Variants in SVOP observed in about 807,000 individuals in gnomAD.
SVOP encodes the protein synaptic vesicle 2-related protein.
SVOP carries 17 observed loss-of-function variants against 69.1 expected under a neutral mutation model. That is an observed-to-expected ratio of 0.25 (90% CI 0.17 to 0.37). The LOEUF (loss-of-function observed/expected upper bound fraction) is 0.37, where lower values mean the gene tolerates loss of function less well. Among genes scored for constraint, SVOP ranks in the 10% least tolerant of loss-of-function variants. The pLI, the probability that SVOP is intolerant of heterozygous loss-of-function variation, is 1.00. For synonymous variants in SVOP, 238 were observed against 238.6 expected (o/e 1.00, Z 0.02); for missense variants, 435 against 597.5 (o/e 0.73, Z 2.84).
intron 2 of SVOP, among the ~76,000 whole-genome samples, chr12:108,983,380 C>T (rs1227742674): frequency 6.6e-6 from 1 of 152,200 alleles, no homozygotes; most frequent in Admixed American, 6.5e-5. Flanking sequence ...TTATTGCCAT[C>T]CTCAGCCAAG....
At chr12:109,020,753 T>TGCCCC in intron 1 of SVOP, 81 bp downstream of exon 1, 1 of 317,722 alleles carries the variant, frequency 3.1e-6, no homozygotes, top group Admixed American at 4.8e-5. Flanking sequence ...TGCAGAGATG[T>TGCCCC]ACCCCCCCCC....
At chr12:108,916,890 G>A (rs531432918) in intron 14 of SVOP, among the ~76,000 whole-genome samples, 1 of 152,250 alleles carries the variant, frequency 6.6e-6, no homozygotes, top group African/African-American at 2.4e-5. Context: ...GGGACAACAG[G>A]CATGTGCCAC....
Position 109,013,485 on chromosome 12 carries a change from G to A in SVOP, c.35+7349C>T, listed in dbSNP as rs190917583. Reference sequence around the variant, plus strand: ...TGATTACTGCAACCTCTGCCTCCCAGGTTCAAGTGATTCTTATGCCTCAGC... The same window carrying A: ...TGATTACTGCAACCTCTGCCTCCCAAGTTCAAGTGATTCTTATGCCTCAGC... On this transcript the variant is annotated intron_variant, in intron 1 of 15. Coordinates refer to ENST00000610966, the MANE Select transcript of SVOP (RefSeq NM_018711.5). 9.8e-4 allele frequency among the ~76,000 whole-genome samples: 149 copies of A among 151,710 alleles called. 3 individuals are homozygous for A. The highest frequency in any genetic ancestry group is 2.6e-4 in the Non-Finnish European group (18 of 67,944).
intron 6 of SVOP, among the ~76,000 whole-genome samples, chr12:108,954,135 A>G (rs1013096068): frequency 6.7e-6 from 1 of 149,306 alleles, no homozygotes; most frequent in Non-Finnish European, 1.5e-5. Flanking sequence ...AAAAAAAAAA[A>G]GCTATTTAGT....
At chr12:109,004,239 A>G (rs1397132532) in intron 1 of SVOP, among the ~76,000 whole-genome samples, 3 of 152,166 alleles carry the variant, frequency 2.0e-5, no homozygotes, top group Non-Finnish European at 2.9e-5. Context: ...GTATATATAT[A>G]GCATATAATT....
chr12:108,934,119 T>G, intron 11 of SVOP, 76 bp downstream of exon 11: 1 of 1,274,080 alleles, frequency 7.8e-7, no homozygotes, highest in Admixed American at 2.1e-5. Flanking sequence ...GAGCCTGGGG[T>G]GGGAGTGTGT....
chr12:108,939,388 G>A (rs2039876422), intron 8 of SVOP, among the ~76,000 whole-genome samples: 1 of 152,102 alleles, frequency 6.6e-6, no homozygotes, highest in Non-Finnish European at 1.5e-5. Context: ...ATTGTTCAAG[G>A]AATTACACCT....
At chr12:108,927,531 T>G (rs1423126984) in intron 11 of SVOP, among the ~76,000 whole-genome samples, 1 of 152,120 alleles carries the variant, frequency 6.6e-6, no homozygotes, top group Non-Finnish European at 1.5e-5. Flanking sequence ...GCAGAAATAT[T>G]TGTCTTTTGT....
intron 3 of SVOP, 61 bp downstream of exon 3, chr12:108,978,517 C>T (rs1185536600): frequency 1.2e-5 from 8 of 690,166 alleles, no homozygotes; most frequent in Admixed American, 2.1e-5. Context: ...GCCATGGAAA[C>T]CCAGTTGAGC....
intron 1 of SVOP, among the ~76,000 whole-genome samples, chr12:108,992,279 A>C (rs1210096658): frequency 1.3e-5 from 2 of 150,632 alleles, no homozygotes; most frequent in Non-Finnish European, 2.9e-5. Context: ...AGTGGCTCAC[A>C]CCTGTAATCC....
At chr12:108,990,824 C>T (rs915141802) in intron 1 of SVOP, among the ~76,000 whole-genome samples, 3 of 152,184 alleles carry the variant, frequency 2.0e-5, no homozygotes, top group Admixed American at 1.3e-4. Flanking sequence ...AGAACTCCCA[C>T]GGGGCTGGTC....
chr12:109,012,090 C>T (rs1451902339), intron 1 of SVOP, among the ~76,000 whole-genome samples: 1 of 152,118 alleles, frequency 6.6e-6, no homozygotes, highest in Non-Finnish European at 1.5e-5. Flanking sequence ...CAAGACCAGC[C>T]TGGCTGACAT....
chr12:108,947,756 GC>G lies in SVOP; in HGVS notation c.579-2591del, dbSNP rs1219631967. 2.6e-5 allele frequency among the ~76,000 whole-genome samples: 4 copies of G among 152,152 alleles called. No homozygotes were observed. The South Asian group carries it at 6.2e-4, about 24-fold the overall frequency. On this transcript the variant is annotated intron_variant, in intron 6 of 15. Coordinates refer to ENST00000610966, the MANE Select transcript of SVOP (RefSeq NM_018711.5). Reference sequence around the variant, plus strand: ...CCTTCAATTTTGCTAGAAAGAGGAGGCCTTCTTTTCTCTCATATCTCCCACC... The same window carrying G: ...CCTTCAATTTTGCTAGAAAGAGGAGGCTTCTTTTCTCTCATATCTCCCACC...
chr12:109,010,012 C>A (rs1348433751), intron 1 of SVOP, among the ~76,000 whole-genome samples: 2 of 151,254 alleles, frequency 1.3e-5, no homozygotes, highest in African/African-American at 4.9e-5. Context: ...AAGCCCAGCA[C>A]TTTGGAAAGT....
intron 6 of SVOP, among the ~76,000 whole-genome samples, chr12:108,953,815 T>C (rs2039970013): frequency 6.6e-6 from 1 of 152,036 alleles, no homozygotes; most frequent in South Asian, 2.1e-4. Context: ...TCCTCACAGA[T>C]AAAACAGATA....
At chr12:108,953,585 G>A (rs996744018) in intron 6 of SVOP, among the ~76,000 whole-genome samples, 1 of 152,102 alleles carries the variant, frequency 6.6e-6, no homozygotes, top group Non-Finnish European at 1.5e-5. Context: ...GTAAATTAAT[G>A]GAAACTTTTA....
At chr12:109,013,944 T>C (rs1377587546) in intron 1 of SVOP, among the ~76,000 whole-genome samples, 1 of 152,102 alleles carries the variant, frequency 6.6e-6, no homozygotes, top group Non-Finnish European at 1.5e-5. Flanking sequence ...GCTGTATTTG[T>C]CTTTTTGTGA....
At chr12:108,993,896 T>C (rs2040217160) in intron 1 of SVOP, among the ~76,000 whole-genome samples, 1 of 152,148 alleles carries the variant, frequency 6.6e-6, no homozygotes, top group African/African-American at 2.4e-5. Context: ...TCTCAATTCA[T>C]CTTTAGGAAT....
chr12:108,987,146 C>T (rs185088044), intron 1 of SVOP, among the ~76,000 whole-genome samples: 144 of 152,308 alleles, frequency 9.5e-4, no homozygotes, highest in South Asian at 7.9e-3. Context: ...TACTTTCTGT[C>T]TCTATGAATT....
Sources: gnomAD v4.1 joint callset for allele counts (sites outside exome capture counted in the v4.1 genomes callset) on GRCh38, gnomAD v4.1.1 for gene constraint, MANE v1.5 for transcripts, NCBI Gene and HGNC (gene_info 2026-07-23, HGNC 2026-07-21) for gene names.